ITGA7: variants seen among roughly 807,000 people sequenced by gnomAD.
ITGA7 encodes the protein integrin subunit alpha 7, also known as integrin alpha-7.
ITGA7 carries 84 observed loss-of-function variants against 131.6 expected under a neutral mutation model. That is an observed-to-expected ratio of 0.64 (90% CI 0.54 to 0.77). The LOEUF (loss-of-function observed/expected upper bound fraction) is 0.77. ITGA7 is among the 30% of genes least tolerant of loss of function. ITGA7 has a pLI of 0.00. For synonymous variants in ITGA7, 548 were observed against 600.7 expected (o/e 0.91, Z 1.28); for missense variants, 1,399 against 1,482.9 (o/e 0.94, Z 0.93).
intron 19 of ITGA7, 27 bp from the exon 20 acceptor site, chr12:55,693,344 A>C: frequency 2.0e-6 from 3 of 1,515,612 alleles, no homozygotes; most frequent in Non-Finnish European, 1.8e-6. Context: ...GTATGAGGGG[A>C]GAGACCTCAG....
At position 55,694,170 on chromosome 12, in the gene ITGA7, C is replaced by A; in HGVS notation, c.2433-47G>T. 5 of 1,611,422 alleles carry A rather than the reference C, an allele frequency of 3.1e-6. No homozygotes were observed. Among genetic ancestry groups the A allele is most frequent in the Non-Finnish European group, 4.2e-6 (5 of 1,177,500 alleles). ...AGGGGTGAGAAGGTCTGGGGCCTGG[C>A]TCAATGAAGGCAGGGCCCTGGCCAA... On this transcript the variant is annotated intron_variant, in intron 18 of 24. Transcript: ENST00000257879. The surrounding 1 kb of genome is among the most constrained non-coding windows in gnomAD (Gnocchi z 5.3).
chr12:55,684,598 A>T lies in ITGA7; in HGVS notation c.*460T>A, dbSNP rs1869685069. 1 of 171,986 alleles carries T rather than the reference A, an allele frequency of 5.8e-6. No homozygotes were observed. The highest frequency in any genetic ancestry group is 1.7e-4 in the South Asian group (1 of 5,962). 10.7% of individuals were successfully genotyped at this position (171,986 alleles called of 1,614,324 possible). ...TTCTCAAATATTTTTTAATAAATAG[A>T]CGAAACCACGAAACCACTAGACTGA... On this transcript the variant is annotated 3_prime_UTR_variant, in exon 25 of 25. Transcript: ENST00000257879.
In ITGA7 at chr12:55,696,298, G is replaced by A. The variant is rs1242503858; in HGVS notation, c.1872C>T (p.Ser624=). Residue 624 remains serine, a synonymous_variant, in exon 13 of 25, where the codon AGC becomes AGT. Coordinates refer to ENST00000257879, the MANE Select transcript of ITGA7 (RefSeq NM_002206.3). ...CCATGCTCACCTCTGCCCGCTGGGT[G>A]CTGGGCTGGTGGGCATTGAGGATGG... The part of the protein sequence containing the change: ...VAPILNAHQP[S]TQRAEIHFLK... 1.9e-6 allele frequency: 3 copies of A among 1,577,150 alleles called. No homozygotes were observed. Among genetic ancestry groups the A allele is most frequent in the Non-Finnish European group, 2.6e-6 (3 of 1,160,722 alleles).
chr12:55,697,387 T>C (rs140613960), intron 10 of ITGA7, 64 bp downstream of exon 10: 2 of 1,588,078 alleles, frequency 1.3e-6, no homozygotes, highest in South Asian at 1.1e-5. Flanking sequence ...ACTGGGGAGA[T>C]AAAGGATCAA....
Position 55,695,627 on chromosome 12 carries a change from A to C in ITGA7, c.1898T>G (p.Leu633Arg). The stretch of plus-strand genomic sequence containing the variant: ...CTTGTCTTCACCACAGCCTTGCTTC[A>C]GGAAGTGGATCTGGGGAGAGACATG... ...PSTQRAEIHF[L>R]KQGCGEDKIC... Residue 633 changes from leucine (L) to arginine (R), a missense_variant, in exon 14 of 25, where the codon CTG becomes CGG. Coordinates refer to ENST00000257879, the MANE Select transcript of ITGA7 (RefSeq NM_002206.3). 6.2e-7 allele frequency: 1 copy of C among 1,613,340 alleles called. No homozygotes were observed. The highest frequency in any genetic ancestry group is 8.5e-7 in the Non-Finnish European group (1 of 1,179,348).
Position 55,688,920 on chromosome 12 carries a change from C to T in ITGA7, c.2882G>A (p.Ser961Asn), listed in dbSNP as rs941283900. Residue 961 changes from serine to asparagine, a missense_variant, in exon 22 of 25, where the codon AGC (serine) becomes AAC (asparagine). Physicochemically the swap from Ser to Asn is conservative, Grantham distance 46. Coordinates refer to ENST00000257879, the MANE Select transcript of ITGA7 (RefSeq NM_002206.3). ...ARGTANCVVFSCPLYSFDRAA... is the reference protein window; with the variant it reads ...ARGTANCVVFNCPLYSFDRAA... ...GCGGTCAAAGCTGTAGAGTGGGCAG[C>T]TGAACACCACACAGTTGGCCGTGCC... 1.2e-6 allele frequency: 2 copies of T among 1,613,908 alleles called. No individual in the cohort carries two copies. Among genetic ancestry groups the T allele is most frequent in the African/African-American group, 1.3e-5 (1 of 74,876 alleles).
rs1869710347 is a variant in ITGA7 at position 55,684,758 on chromosome 12, G to C, written c.*300C>G. ...GGTCCTTGGGGTCCTGTTACACAGG[G>C]TGAATGGGAGAGGAAGGGATTAGGA... On this transcript the variant is annotated 3_prime_UTR_variant, in exon 25 of 25. Coordinates refer to ENST00000257879, the MANE Select transcript of ITGA7 (RefSeq NM_002206.3). The C allele has an allele frequency of 2.5e-6, 1 of 404,580 alleles. No homozygotes were observed. Among genetic ancestry groups the C allele is most frequent in the South Asian group, 5.2e-5 (1 of 19,264 alleles). The allele number at this position is 404,580 out of a possible 1,614,324, so 25.1% of individuals were successfully genotyped here. A position where few individuals can be genotyped will look rare whatever the true frequency, so the allele number is the denominator to read the frequency against.
intron 1 of ITGA7, among the ~76,000 whole-genome samples, chr12:55,704,831 T>C (rs1230571573): frequency 6.6e-6 from 1 of 152,022 alleles, no homozygotes; most frequent in East Asian, 1.9e-4. Flanking sequence ...AGTGGGGAGA[T>C]GAGGGTACCC....
At chr12:55,695,088 T>A (rs1457702903) in intron 14 of ITGA7, 118 bp from the exon 15 acceptor site, 2 of 1,001,596 alleles carry the variant, frequency 2.0e-6, no homozygotes, top group Admixed American at 4.0e-5. Flanking sequence ...CCACCCCAGG[T>A]CCCCATCACA....
chr12:55,715,466 T>C (rs771140263), upstream of ITGA7, among the ~76,000 whole-genome samples: 1 of 152,184 alleles, frequency 6.6e-6, no homozygotes, highest in East Asian at 1.9e-4. Context: ...ACTTTTTACT[T>C]TGGCACAGCA....
At chr12:55,714,302 G>A (rs1321576264), upstream of ITGA7, among the ~76,000 whole-genome samples, 6 of 151,012 alleles carry the variant, frequency 4.0e-5, no homozygotes, top group South Asian at 2.1e-4. Flanking sequence ...CACGAGGTCA[G>A]GAGATCGAGA....
intron 19 of ITGA7, among the ~76,000 whole-genome samples, 188 bp downstream of exon 19, chr12:55,693,833 C>A (rs2135994748): frequency 6.6e-6 from 1 of 152,248 alleles, no homozygotes; most frequent in East Asian, 1.9e-4. Flanking sequence ...ACAGAATGAC[C>A]AGGAAATGGT....
rs771755133 is a variant in ITGA7 at position 55,693,273 on chromosome 12, G to A, written c.2580C>T (p.Phe860=). ...TCTCATGAGGCCACATGATGTTGAG[G>A]AAGGCAGAGCCCAGGGTTCTGAGCG... ...GQSLRTLGSA[F]LNIMWPHEIA... The change falls in exon 20 of 25, where the codon TTC becomes TTT. Residue 860 remains phenylalanine, a synonymous_variant. Transcript: ENST00000257879. The A allele has an allele frequency of 4.3e-6, 7 of 1,614,144 alleles. No individual in the cohort carries two copies. In the South Asian group the frequency reaches 7.7e-5, roughly 18 times the overall value.
At position 55,692,092 on chromosome 12, in the gene ITGA7, G is replaced by A. The variant is rs530223072; in HGVS notation, c.2844+752C>T. On this transcript the variant is annotated intron_variant, in intron 21 of 24. Transcript: ENST00000257879. Reference sequence around the variant, plus strand: ...ACTTAATAAATCACATATAATATACGGTTGTCTTAATTATTAGAACTTTTA... The same window carrying A: ...ACTTAATAAATCACATATAATATACAGTTGTCTTAATTATTAGAACTTTTA... Among the ~76,000 whole-genome samples the A allele has an allele frequency of 1.8e-4, 28 of 152,198 alleles. No individual in the cohort carries two copies. The South Asian group carries it at 3.9e-3, about 21-fold the overall frequency.
In ITGA7 at chr12:55,685,002, G is replaced by T; in HGVS notation, c.*56C>A. 1 of 1,390,646 alleles carries T rather than the reference G, an allele frequency of 7.2e-7. No homozygotes were observed. Among genetic ancestry groups the T allele is most frequent in the Non-Finnish European group, 9.7e-7 (1 of 1,027,162 alleles). 86.1% of individuals were successfully genotyped at this position (1,390,646 alleles called of 1,614,324 possible). ...CACTCTACCCTCTTCATCCCAAGGA[G>T]CCATCTCTGGGGAAGGGATGGAGGG... is the stretch of plus-strand genomic sequence containing the variant. On this transcript the variant is annotated 3_prime_UTR_variant, in exon 25 of 25. Coordinates refer to ENST00000257879, the MANE Select transcript of ITGA7 (RefSeq NM_002206.3).
At chr12:55,710,668 C>T (rs1216318038), upstream of ITGA7, among the ~76,000 whole-genome samples, 4 of 152,082 alleles carry the variant, frequency 2.6e-5, no homozygotes, top group Non-Finnish European at 5.9e-5. Flanking sequence ...GGAGGCTAGG[C>T]GGGAGTGTCA....
upstream of ITGA7, among the ~76,000 whole-genome samples, chr12:55,712,591 G>T (rs180889948): frequency 6.6e-6 from 1 of 152,212 alleles, no homozygotes; most frequent in African/African-American, 2.4e-5. Flanking sequence ...AAAATAATCT[G>T]AGTAGGAAAT....
upstream of ITGA7, chr12:55,708,128 A>T (rs1875636631): frequency 1.4e-6 from 1 of 713,814 alleles, no homozygotes; most frequent in South Asian, 6.4e-5. Flanking sequence ...TTCTCCCCCA[A>T]CCCCATCCCC....
chr12:55,711,432 A>G (rs1371460387), upstream of ITGA7, among the ~76,000 whole-genome samples: 4 of 151,852 alleles, frequency 2.6e-5, no homozygotes, highest in Non-Finnish European at 5.9e-5. Flanking sequence ...GAGCAGAGAT[A>G]GCACCACTGC....
Sources: allele counts gnomAD v4.1 joint callset (sites outside exome capture counted in the v4.1 genomes callset), GRCh38; gene constraint gnomAD v4.1.1; non-coding constraint Gnocchi (gnomAD v3.1); transcripts MANE v1.5; gene names NCBI Gene and HGNC (gene_info 2026-07-23, HGNC 2026-07-21).